The following GALNT13 variants were observed in gnomAD, a reference collection of about 807,000 sequenced individuals.
GALNT13 encodes the protein polypeptide N-acetylgalactosaminyltransferase 13.
GALNT13 carries 28 observed loss-of-function variants against 64.2 expected under a neutral mutation model. The ratio of observed to expected loss-of-function variants is 0.44; its 90% CI spans 0.32 to 0.60. The LOEUF is 0.60. Ranked by LOEUF, GALNT13 falls within the 20% of genes least tolerant of loss-of-function variation. The pLI is 0.05. For synonymous variants in GALNT13, 214 were observed against 224.6 expected (o/e 0.95, Z 0.42); for missense variants, 577 against 669.8 (o/e 0.86, Z 1.53).
chr2:153,966,210 G>GTTGGA (rs1466192564), intron 3 of GALNT13, among the ~76,000 whole-genome samples: 1 of 138,510 alleles, frequency 7.2e-6, no homozygotes, highest in Non-Finnish European at 1.5e-5. Flanking sequence ...AATATTCTAG[G>GTTGGA]TTGGATTTCT....
chr2:153,165,473 C>G, the GALNT13 span, among the ~76,000 whole-genome samples: 2 of 152,170 alleles, frequency 1.3e-5, no homozygotes, highest in Non-Finnish European at 2.9e-5. Context: ...ATTTGAAAAT[C>G]TTTTGCAGCA....
intron 9 of GALNT13, among the ~76,000 whole-genome samples, chr2:154,326,963 T>C (rs1045868626): frequency 1.5e-4 from 23 of 152,152 alleles, no homozygotes; most frequent in Admixed American, 1.4e-3. Context: ...TACTTTCTGC[T>C]GGATTATTTC....
the GALNT13 span, among the ~76,000 whole-genome samples, chr2:153,814,503 A>AAAAC: frequency 7.4e-6 from 1 of 134,688 alleles, no homozygotes; most frequent in Non-Finnish European, 1.7e-5. Flanking sequence ...ATAAATAAAT[A>AAAAC]AATAAAACAA....
chr2:154,053,230 A>T (rs1384382184), intron 3 of GALNT13, among the ~76,000 whole-genome samples: 1 of 152,180 alleles, frequency 6.6e-6, no homozygotes, highest in East Asian at 1.9e-4. Flanking sequence ...CCAAAACTGG[A>T]TTTCTGTGAA....
At chr2:154,061,145 C>T (rs1302698159) in intron 3 of GALNT13, among the ~76,000 whole-genome samples, 4 of 152,100 alleles carry the variant, frequency 2.6e-5, no homozygotes, top group East Asian at 3.9e-4. Context: ...CCAGATTCAC[C>T]TATTGTTAGC....
chr2:153,118,097 C>T, the GALNT13 span, among the ~76,000 whole-genome samples: 21 of 110,318 alleles, frequency 1.9e-4, no homozygotes, highest in East Asian at 2.6e-4. Flanking sequence ...TCTATAATGT[C>T]ACTATGTACC....
the GALNT13 span, among the ~76,000 whole-genome samples, chr2:153,523,412 G>A: frequency 6.6e-6 from 1 of 152,084 alleles, no homozygotes; most frequent in Admixed American, 6.5e-5. Context: ...AAGTTTGAAA[G>A]AACTGACATC....
At chr2:153,791,109 G>T in the GALNT13 span, among the ~76,000 whole-genome samples, 13 of 152,114 alleles carry the variant, frequency 8.5e-5, no homozygotes, top group Non-Finnish European at 1.5e-4. Context: ...GAAAATATTT[G>T]CAAACTATCC....
intron 4 of GALNT13, among the ~76,000 whole-genome samples, chr2:154,195,662 A>G (rs918081730): frequency 3.3e-5 from 5 of 152,068 alleles, no homozygotes; most frequent in African/African-American, 1.2e-4. Context: ...CCACACATAT[A>G]GGAGCTCAGA....
chr2:153,659,067 C>T, the GALNT13 span, among the ~76,000 whole-genome samples: 9 of 152,028 alleles, frequency 5.9e-5, no homozygotes, highest in Non-Finnish European at 1.2e-4. Context: ...GGACTGAGAA[C>T]TATTACAAAA....
At chr2:154,313,933 C>T (rs1694193902) in intron 9 of GALNT13, among the ~76,000 whole-genome samples, 1 of 152,026 alleles carries the variant, frequency 6.6e-6, no homozygotes, top group Non-Finnish European at 1.5e-5. Context: ...AATTCTACCC[C>T]AATTGGATTG....
At chr2:154,350,716 T>G (rs1696347227) in intron 9 of GALNT13, among the ~76,000 whole-genome samples, 1 of 152,284 alleles carries the variant, frequency 6.6e-6, no homozygotes, top group South Asian at 2.1e-4. Flanking sequence ...CAAATGAATA[T>G]GCTAGTTTCA....
intron 9 of GALNT13, among the ~76,000 whole-genome samples, chr2:154,386,955 C>T (rs1267895520): frequency 6.6e-6 from 1 of 152,090 alleles, no homozygotes; most frequent in Non-Finnish European, 1.5e-5. Flanking sequence ...TCTGATAATC[C>T]TCTTCCTGTG....
chr2:154,321,449 C>T (rs952490405), intron 9 of GALNT13, among the ~76,000 whole-genome samples: 1 of 152,022 alleles, frequency 6.6e-6, no homozygotes, highest in African/African-American at 2.4e-5. Flanking sequence ...CTTTTCATCC[C>T]TTTGTCTGTA....
At chr2:153,526,417 C>G in the GALNT13 span, among the ~76,000 whole-genome samples, 1 of 152,182 alleles carries the variant, frequency 6.6e-6, no homozygotes, top group East Asian at 1.9e-4. Flanking sequence ...GCCTGGTAAT[C>G]CATAGAACTC....
chr2:153,418,655 G>T, the GALNT13 span, among the ~76,000 whole-genome samples: 1 of 152,152 alleles, frequency 6.6e-6, no homozygotes, highest in Non-Finnish European at 1.5e-5. Flanking sequence ...GAGAAGATTT[G>T]GTAGATGGAC....
the GALNT13 span, among the ~76,000 whole-genome samples, chr2:153,216,425 G>A: frequency 2.6e-5 from 4 of 151,966 alleles, no homozygotes; most frequent in African/African-American, 9.7e-5. Context: ...TTCCTAATCA[G>A]CCAGTATTTG....
chr2:153,544,345 G>A, the GALNT13 span, among the ~76,000 whole-genome samples: 1 of 152,124 alleles, frequency 6.6e-6, no homozygotes, highest in Non-Finnish European at 1.5e-5. Flanking sequence ...GTTGCTTCTT[G>A]ATCTCTCCTT....
At chr2:154,190,772 G>T (rs1420001140) in intron 4 of GALNT13, among the ~76,000 whole-genome samples, 2 of 152,098 alleles carry the variant, frequency 1.3e-5, no homozygotes, top group Admixed American at 1.3e-4. Flanking sequence ...ATATGTAATT[G>T]TATTTTTTCC....
Sources: allele counts gnomAD v4.1 joint callset (sites outside exome capture counted in the v4.1 genomes callset), GRCh38; gene constraint gnomAD v4.1.1; transcripts MANE v1.5; gene names NCBI Gene and HGNC (gene_info 2026-07-23, HGNC 2026-07-21).